BEST3: variants seen among roughly 807,000 people sequenced by gnomAD.
BEST3 encodes bestrophin 3, also known as bestrophin-3.
Under a neutral mutation model 47.1 loss-of-function variants are expected in BEST3, and 50 were observed. The ratio of observed to expected loss-of-function variants is 1.06; its 90% CI spans 0.85 to 1.34. The LOEUF is 1.34. Ranked by LOEUF, BEST3 falls within the 40% of genes most tolerant of loss-of-function variation. The probability of loss-of-function intolerance (pLI) is 0.00; values close to 1 mark genes in which losing one functional copy is unlikely to be tolerated. For missense variants in BEST3, 765 were observed against 817.0 expected (o/e 0.94, Z 0.78); for synonymous variants, 282 against 298.8 (o/e 0.94, Z 0.58).
chr12:69,693,674 C>A lies in BEST3; in HGVS notation c.481G>T (p.Gly161Cys). ...TGGAAGGAAAAGCCATTCATAGTAC[C>A]TGCTTCAACCACGTGGTCCATTGTG... The part of the protein sequence containing the change: ...FPTMDHVVEA[G>C]FMTTDERKLF... Residue 161 changes from glycine (G) to cysteine (C), a missense_variant and splice_region_variant, in exon 4 of 10, where the codon GGT (glycine) becomes TGT (cysteine). Physicochemically the swap from Gly to Cys is radical, Grantham distance 159. Coordinates refer to ENST00000330891, the MANE Select transcript of BEST3 (RefSeq NM_032735.3). 6.2e-7 allele frequency: 1 copy of A among 1,604,434 alleles called. No individual in the cohort carries two copies. The highest frequency in any genetic ancestry group is 1.1e-5 in the South Asian group (1 of 90,820).
intron 4 of BEST3, chr12:69,689,035 C>T (rs1025209942): frequency 6.3e-6 from 6 of 956,644 alleles, no homozygotes; most frequent in South Asian, 4.8e-5. Flanking sequence ...TTAACCTTGT[C>T]CCCACCCCTT....
rs745814497 is a variant in BEST3 at position 69,654,998 on chromosome 12, G to A, written c.1916C>T (p.Ser639Phe). ...TTCCATTAAATACAGCATATCAGAA[G>A]AGACTCGAGAGCCAGCCACAATGTT... ...GINIVAGSRV[S>F]SDMLYLMENL... Residue 639 changes from serine (S) to phenylalanine (F), a missense_variant, in exon 10 of 10, where the codon TCT becomes TTT. By Grantham distance (155) the Ser-to-Phe change is radical. Coordinates refer to ENST00000330891, the MANE Select transcript of BEST3 (RefSeq NM_032735.3). 3 of 1,614,078 alleles carry A rather than the reference G, an allele frequency of 1.9e-6. No individual in the cohort carries two copies. The highest frequency in any genetic ancestry group is 2.5e-6 in the Non-Finnish European group (3 of 1,180,010).
intron 9 of BEST3, among the ~76,000 whole-genome samples, chr12:69,662,192 C>A (rs935912950): frequency 9.9e-5 from 15 of 152,080 alleles, no homozygotes; most frequent in Non-Finnish European, 1.8e-4. Context: ...TGGAAGTTTC[C>A]ATTTCTCCTT....
chr12:69,695,163 G>A (rs1886085043), intron 2 of BEST3, among the ~76,000 whole-genome samples: 1 of 152,018 alleles, frequency 6.6e-6, no homozygotes, highest in African/African-American at 2.4e-5. Context: ...TTACATTATA[G>A]GGAAGAGATT....
chr12:69,650,147 A>G (rs1883163470), downstream of BEST3, among the ~76,000 whole-genome samples: 1 of 152,242 alleles, frequency 6.6e-6, no homozygotes, highest in Admixed American at 6.5e-5. Flanking sequence ...TCCATTTGCC[A>G]TGGCCAGGCA....
chr12:69,656,505 G>A (rs543527478), intron 9 of BEST3, among the ~76,000 whole-genome samples: 2 of 151,844 alleles, frequency 1.3e-5, no homozygotes, highest in Non-Finnish European at 2.9e-5. Context: ...GTAAATTCAC[G>A]AGCGTGCGAT....
At chr12:69,677,426 A>G (rs1196206973) in intron 5 of BEST3, among the ~76,000 whole-genome samples, 169 bp from the exon 6 acceptor site, 2 of 152,210 alleles carry the variant, frequency 1.3e-5, no homozygotes, top group Non-Finnish European at 2.9e-5. Flanking sequence ...CAATCAATCA[A>G]TGAACATCAT....
chr12:69,649,409 C>A (rs541496232), downstream of BEST3, among the ~76,000 whole-genome samples: 1 of 152,234 alleles, frequency 6.6e-6, no homozygotes, highest in African/African-American at 2.4e-5. Context: ...GCATGAACCT[C>A]GGGGTTCAAA....
At chr12:69,656,823 C>T (rs1337253472) in intron 9 of BEST3, among the ~76,000 whole-genome samples, 1 of 152,084 alleles carries the variant, frequency 6.6e-6, no homozygotes, top group African/African-American at 2.4e-5. Flanking sequence ...AAGGGATGAG[C>T]TAGAGCCCAG....
chr12:69,648,633 C>T (rs1482500671), downstream of BEST3, among the ~76,000 whole-genome samples: 1 of 152,144 alleles, frequency 6.6e-6, no homozygotes, highest in African/African-American at 2.4e-5. Flanking sequence ...ACTTCCCGGA[C>T]ACTCAGCTTT....
At chr12:69,694,203 C>T (rs966099997) in intron 3 of BEST3, 167 bp downstream of exon 3, 36 of 582,896 alleles carry the variant, frequency 6.2e-5, no homozygotes, top group African/African-American at 5.6e-4. Context: ...GTGTTAATTT[C>T]GCAAAAGCAG....
chr12:69,662,418 C>A (rs1235266719), intron 9 of BEST3, among the ~76,000 whole-genome samples: 1 of 152,104 alleles, frequency 6.6e-6, no homozygotes, highest in Non-Finnish European at 1.5e-5. Flanking sequence ...TTTAACCACA[C>A]TTTAATAAAG....
downstream of BEST3, among the ~76,000 whole-genome samples, chr12:69,653,043 A>G (rs1464593899): frequency 6.6e-6 from 1 of 152,222 alleles, no homozygotes; most frequent in Non-Finnish European, 1.5e-5. Flanking sequence ...AGTTAAAGTA[A>G]ATGTCATTGT....
At chr12:69,696,619 G>C (rs1006526163) in intron 2 of BEST3, among the ~76,000 whole-genome samples, 1 of 152,044 alleles carries the variant, frequency 6.6e-6, no homozygotes, top group African/African-American at 2.4e-5. Context: ...CACTTGCTTG[G>C]AAGGGTTGTT....
intron 2 of BEST3, 76 bp downstream of exon 2, chr12:69,697,571 A>G: frequency 1.6e-6 from 2 of 1,265,712 alleles, no homozygotes; most frequent in Non-Finnish European, 2.1e-6. Context: ...AGTGGCAATC[A>G]AAAGGTTCAG....
chr12:69,689,035 C>A, intron 4 of BEST3: 1 of 956,762 alleles, frequency 1.0e-6, no homozygotes, highest in Non-Finnish European at 1.2e-6. Context: ...TTAACCTTGT[C>A]CCCACCCCTT....
At chr12:69,659,200 A>G (rs1883716618) in intron 9 of BEST3, among the ~76,000 whole-genome samples, 1 of 152,164 alleles carries the variant, frequency 6.6e-6, no homozygotes, top group South Asian at 2.1e-4. Context: ...ACTCCCCAGC[A>G]TGACAAACCT....
At chr12:69,692,100 A>G (rs1408754445) in intron 4 of BEST3, among the ~76,000 whole-genome samples, 2 of 152,230 alleles carry the variant, frequency 1.3e-5, no homozygotes, top group African/African-American at 4.8e-5. Context: ...ATAAAATGTG[A>G]AATATAGACA....
chr12:69,648,668 T>C (rs1375268430), downstream of BEST3, among the ~76,000 whole-genome samples: 1 of 152,108 alleles, frequency 6.6e-6, no homozygotes. Context: ...CACTCAATAG[T>C]TGCTTAATGT....
Sources: allele counts gnomAD v4.1 joint callset (sites outside exome capture counted in the v4.1 genomes callset), GRCh38; gene constraint gnomAD v4.1.1; transcripts MANE v1.5; gene names NCBI Gene and HGNC (gene_info 2026-07-23, HGNC 2026-07-21).